Variants in LUC7L2 observed in about 807,000 individuals in gnomAD.
LUC7L2 encodes the protein LUC7 like 2, pre-mRNA splicing factor, also known as putative RNA-binding protein Luc7-like 2.
LUC7L2 carries 25 observed loss-of-function variants against 52.8 expected under a neutral mutation model. That is an observed-to-expected ratio of 0.47 (90% CI 0.34 to 0.66). The LOEUF is 0.66. LUC7L2 is among the 30% of genes least tolerant of loss of function. The pLI is 0.01. For synonymous variants in LUC7L2, 144 were observed against 160.9 expected (o/e 0.89, Z 0.80); for missense variants, 328 against 497.8 (o/e 0.66, Z 3.25).
chr7:139,351,644 GC>G (rs746886346), intron 1 of LUC7L2, among the ~76,000 whole-genome samples: 65 of 152,186 alleles, frequency 4.3e-4, no homozygotes, highest in Admixed American at 1.4e-3. Context: ...GACCTCTTCA[GC>G]TTCATCTCTA....
At chr7:139,384,594 T>G (rs934105224) in intron 2 of LUC7L2, among the ~76,000 whole-genome samples, 3 of 152,240 alleles carry the variant, frequency 2.0e-5, no homozygotes, top group Non-Finnish European at 4.4e-5. Flanking sequence ...TTTAAAAGAT[T>G]GCCAGTGAAT....
At chr7:139,347,478 T>A (rs1210278957) in intron 1 of LUC7L2, among the ~76,000 whole-genome samples, 1 of 151,772 alleles carries the variant, frequency 6.6e-6, no homozygotes, top group Non-Finnish European at 1.5e-5. Context: ...TCCCAGCTAC[T>A]CAGGAGGCTG....
rs765410748 is a variant in LUC7L2 at position 139,341,791 on chromosome 7, T to C, written c.-26+1274T>C. On this transcript the variant is annotated intron_variant, in intron 1 of 10. Transcript: ENST00000541170. The stretch of plus-strand genomic sequence containing the variant: ...GGCGGACCCGTCCCGAAGGATTTCA[T>C]TGGCTGGTCTGTTGCCTCTGCGGAG... Among the ~76,000 whole-genome samples the C allele has an allele frequency of 5.5e-4, 83 of 152,148 alleles. No homozygotes were observed. In the Middle Eastern group the frequency reaches 0.01, roughly 19 times the overall value.
At chr7:139,341,246 G>C in intron 1 of LUC7L2, 1 of 1,414,166 alleles carries the variant, frequency 7.1e-7, no homozygotes, top group East Asian at 2.4e-5. Flanking sequence ...CAACGGACAA[G>C]TGAGCGGTTC....
upstream of LUC7L2, among the ~76,000 whole-genome samples, chr7:139,355,422 A>G (rs1563252687): frequency 6.6e-6 from 1 of 152,118 alleles, no homozygotes; most frequent in Non-Finnish European, 1.5e-5. Context: ...TTCATATGTG[A>G]GAACCAACAT....
At chr7:139,402,689 ATTTT>A (rs986812385) in intron 4 of LUC7L2, among the ~76,000 whole-genome samples, 1 of 151,812 alleles carries the variant, frequency 6.6e-6, no homozygotes, top group Non-Finnish European at 1.5e-5. Flanking sequence ...GGCCCAGCTA[ATTTT>A]TTTTATTTTT....
chr7:139,370,880 A>ATGGAAGAAAT (rs1800414729), intron 1 of LUC7L2, among the ~76,000 whole-genome samples: 1 of 151,910 alleles, frequency 6.6e-6, no homozygotes, highest in Non-Finnish European at 1.5e-5. Flanking sequence ...GTTGGAAGAA[A>ATGGAAGAAAT]TGGAGGGAAA....
intron 1 of LUC7L2, among the ~76,000 whole-genome samples, chr7:139,367,593 T>C (rs1197047423): frequency 6.6e-6 from 1 of 152,224 alleles, no homozygotes; most frequent in Non-Finnish European, 1.5e-5. Flanking sequence ...ACACCTAAAG[T>C]CATCTTTTGT....
At chr7:139,363,447 C>G (rs753183873) in intron 1 of LUC7L2, among the ~76,000 whole-genome samples, 4 of 152,132 alleles carry the variant, frequency 2.6e-5, no homozygotes, top group Non-Finnish European at 4.4e-5. Context: ...CTAATTGTAA[C>G]CTTGGGTAAG....
intron 1 of LUC7L2, among the ~76,000 whole-genome samples, chr7:139,345,153 C>T (rs1009303231): frequency 7.2e-5 from 11 of 151,970 alleles, no homozygotes; most frequent in East Asian, 3.9e-4. Context: ...TGATGAGTGA[C>T]CTAATTATAA....
In LUC7L2 at chr7:139,359,903, G is replaced by T; in HGVS notation, c.-359G>T. On this transcript the variant is annotated 5_prime_UTR_variant, in exon 1 of 10. Coordinates refer to ENST00000354926, the MANE Select transcript of LUC7L2 (RefSeq NM_016019.5). ...CGCGAGGAGCGTGCGCGCTCCCGTC[G>T]TGGCGACGGTGGCGGCGAGCGGCGT... The T allele has an allele frequency of 2.4e-6, 1 of 415,062 alleles. No homozygotes were observed. Among genetic ancestry groups the T allele is most frequent in the Non-Finnish European group, 4.3e-6 (1 of 234,312 alleles). 25.7% of individuals were successfully genotyped at this position (415,062 alleles called of 1,614,324 possible).
intron 2 of LUC7L2, among the ~76,000 whole-genome samples, chr7:139,387,250 G>A (rs1252577293): frequency 2.0e-5 from 3 of 152,186 alleles, no homozygotes; most frequent in Non-Finnish European, 4.4e-5. Context: ...CTGGAGTGCA[G>A]TGGCGCGATC....
At chr7:139,412,487 G>A (rs1184354368) in intron 7 of LUC7L2, 64 bp from the exon 8 acceptor site, 3 of 1,519,652 alleles carry the variant, frequency 2.0e-6, no homozygotes, top group Admixed American at 4.0e-5. Flanking sequence ...AGAATATAAT[G>A]TAACACTGCA....
chr7:139,395,502 G>A (rs1475643499), intron 2 of LUC7L2, among the ~76,000 whole-genome samples: 3 of 152,164 alleles, frequency 2.0e-5, no homozygotes, highest in Admixed American at 2.0e-4. Flanking sequence ...ATACCATTAA[G>A]CATGATGAGG....
At chr7:139,366,358 C>T (rs1800152723) in intron 1 of LUC7L2, among the ~76,000 whole-genome samples, 1 of 152,142 alleles carries the variant, frequency 6.6e-6, no homozygotes, top group African/African-American at 2.4e-5. Context: ...TTTCTGCAGA[C>T]CCCAGTTTTC....
chr7:139,392,451 T>A (rs865899497), intron 2 of LUC7L2: 6 of 411,144 alleles, frequency 1.5e-5, no homozygotes, highest in Non-Finnish European at 2.4e-5. Context: ...TATAAAATGC[T>A]GTGGAGCTAT....
At chr7:139,355,473 C>A (rs1377359290), upstream of LUC7L2, among the ~76,000 whole-genome samples, 7 of 152,018 alleles carry the variant, frequency 4.6e-5, no homozygotes, top group African/African-American at 1.7e-4. Flanking sequence ...CTATAATTGG[C>A]CAACTCAGAT....
chr7:139,390,710 C>A (rs1794413115), intron 2 of LUC7L2, among the ~76,000 whole-genome samples: 1 of 151,986 alleles, frequency 6.6e-6, no homozygotes, highest in African/African-American at 2.4e-5. Flanking sequence ...CGCCCACCAC[C>A]ATGCCCGGCT....
chr7:139,421,258 G>GGT (rs1795892959), intron 9 of LUC7L2, among the ~76,000 whole-genome samples: 1 of 152,058 alleles, frequency 6.6e-6, no homozygotes, highest in African/African-American at 2.4e-5. Context: ...TCAGGTTCTT[G>GGT]GTAGTGCCTC....
Sources: allele counts gnomAD v4.1 joint callset (sites outside exome capture counted in the v4.1 genomes callset), GRCh38; gene constraint gnomAD v4.1.1; transcripts MANE v1.5; gene names NCBI Gene and HGNC (gene_info 2026-07-23, HGNC 2026-07-21).